The following DGKB variants were observed in gnomAD, a reference collection of about 807,000 sequenced individuals.
DGKB encodes diacylglycerol kinase beta, also known as 90 kDa diacylglycerol kinase.
In DGKB, 67 loss-of-function variants were observed where a neutral mutation model predicts 114.3. The observed-to-expected ratio is 0.59, with a 90% CI of 0.48 to 0.72. The LOEUF is 0.72. Among genes scored for constraint, DGKB ranks in the 30% least tolerant of loss-of-function variants. The pLI is 0.00. For missense variants in DGKB, 907 were observed against 975.2 expected (o/e 0.93, Z 0.93); for synonymous variants, 398 against 323.1 (o/e 1.23, Z -2.49).
chr7:14,686,232 G>A (rs1482163482), intron 9 of DGKB, among the ~76,000 whole-genome samples: 1 of 151,712 alleles, frequency 6.6e-6, no homozygotes, highest in African/African-American at 2.4e-5. Context: ...ACTCCTGTAG[G>A]TATTTAATCA....
At chr7:14,657,762 G>T (rs1056506183) in intron 13 of DGKB, among the ~76,000 whole-genome samples, 1 of 151,858 alleles carries the variant, frequency 6.6e-6, no homozygotes, top group African/African-American at 2.4e-5. Context: ...ATATTACAGA[G>T]AATTCAAAAT....
chr7:14,937,934 G>C (rs1360747324), intron 1 of DGKB, among the ~76,000 whole-genome samples: 1 of 151,926 alleles, frequency 6.6e-6, no homozygotes, highest in Non-Finnish European at 1.5e-5. Flanking sequence ...TGTCGTAAAT[G>C]CAGTATATAA....
intron 13 of DGKB, among the ~76,000 whole-genome samples, chr7:14,648,482 A>C (rs984415594): frequency 6.8e-6 from 1 of 147,490 alleles, no homozygotes; most frequent in Admixed American, 7.0e-5. Context: ...ATCCACACCA[A>C]AAACCCATCT....
intron 21 of DGKB, among the ~76,000 whole-genome samples, chr7:14,411,050 G>A (rs1042155044): frequency 8.5e-5 from 13 of 152,078 alleles, no homozygotes; most frequent in African/African-American, 3.1e-4. Flanking sequence ...GAGATGCTGC[G>A]CAGTGGCAGG....
At chr7:14,474,644 A>T (rs1781899689) in intron 21 of DGKB, among the ~76,000 whole-genome samples, 1 of 151,990 alleles carries the variant, frequency 6.6e-6, no homozygotes, top group African/African-American at 2.4e-5. Flanking sequence ...AATTATTAAT[A>T]TCCTTTTTTT....
intron 12 of DGKB, among the ~76,000 whole-genome samples, chr7:14,678,647 A>G (rs1327147592): frequency 6.6e-6 from 1 of 152,024 alleles, no homozygotes; most frequent in Admixed American, 6.6e-5. Context: ...TTATCACAGA[A>G]CTATTATAGA....
chr7:14,389,581 G>A (rs1049507134), intron 21 of DGKB, among the ~76,000 whole-genome samples: 25 of 152,270 alleles, frequency 1.6e-4, no homozygotes, highest in Admixed American at 1.5e-3. Flanking sequence ...AACCTGTGCC[G>A]TTGAAGATAT....
chr7:14,535,295 G>A (rs1792256064), intron 20 of DGKB, among the ~76,000 whole-genome samples: 1 of 151,516 alleles, frequency 6.6e-6, no homozygotes, highest in Non-Finnish European at 1.5e-5. Context: ...CTTGAGCCTA[G>A]GAGTTCAAGG....
chr7:14,795,767 T>C (rs958157729), intron 2 of DGKB, among the ~76,000 whole-genome samples: 4 of 152,150 alleles, frequency 2.6e-5, no homozygotes, highest in Admixed American at 1.3e-4. Context: ...TATGGACCTA[T>C]GGACTAGGCT....
chr7:14,576,286 T>C (rs1031306718), intron 19 of DGKB, among the ~76,000 whole-genome samples: 2 of 152,014 alleles, frequency 1.3e-5, no homozygotes, highest in Non-Finnish European at 1.5e-5. Context: ...TTACAATAAT[T>C]ATATTTACTA....
chr7:14,801,508 T>C (rs1187210703), intron 2 of DGKB, among the ~76,000 whole-genome samples: 1 of 152,096 alleles, frequency 6.6e-6, no homozygotes, highest in Non-Finnish European at 1.5e-5. Context: ...TAGATTGCCC[T>C]CCCCAATGTG....
chr7:14,746,162 A>C (rs1221146290), intron 4 of DGKB, among the ~76,000 whole-genome samples: 2 of 152,130 alleles, frequency 1.3e-5, no homozygotes, highest in African/African-American at 4.8e-5. Context: ...AATGTGGCAA[A>C]ACCCCGTCTC....
At chr7:14,938,616 CT>C (rs71004343) in intron 1 of DGKB, among the ~76,000 whole-genome samples, 49,731 of 147,288 alleles carry the variant, frequency 0.34, 8,493 homozygotes, top group African/African-American at 0.4. Flanking sequence ...TTCTTTCTTT[CT>C]TTTTTTTTTT....
chr7:14,422,498 T>C (rs1174619802), intron 21 of DGKB, among the ~76,000 whole-genome samples: 1 of 152,090 alleles, frequency 6.6e-6, no homozygotes, highest in Non-Finnish European at 1.5e-5. Flanking sequence ...ATGTAATTTT[T>C]CCACAATTAC....
chr7:14,534,705 T>A (rs772062418), intron 20 of DGKB, among the ~76,000 whole-genome samples: 11 of 151,416 alleles, frequency 7.3e-5, no homozygotes, highest in Non-Finnish European at 1.3e-4. Context: ...ATAGACAAAG[T>A]AAAAAAAAGA....
At chr7:14,287,995 C>T (rs923272231) in intron 23 of DGKB, among the ~76,000 whole-genome samples, 1 of 152,076 alleles carries the variant, frequency 6.6e-6, no homozygotes, top group African/African-American at 2.4e-5. Flanking sequence ...ATGACAGAAC[C>T]AGCCAAGGCT....
chr7:14,830,872 A>C (rs1184530675), intron 2 of DGKB, among the ~76,000 whole-genome samples: 2 of 48,256 alleles, frequency 4.1e-5, no homozygotes, highest in Non-Finnish European at 6.8e-5. Flanking sequence ...AAAATAACTT[A>C]ATGATAACTA....
At chr7:14,689,128 A>C (rs1436061431) in intron 9 of DGKB, among the ~76,000 whole-genome samples, 1 of 151,124 alleles carries the variant, frequency 6.6e-6, no homozygotes, top group Non-Finnish European at 1.5e-5. Context: ...AACAAAGAAC[A>C]TTAAATTACC....
chr7:14,565,959 C>T (rs1482580852), intron 20 of DGKB, among the ~76,000 whole-genome samples: 3 of 152,014 alleles, frequency 2.0e-5, no homozygotes, highest in African/African-American at 4.8e-5. Context: ...TGTTAACAGA[C>T]TATTGTCTAG....
Sources: allele counts gnomAD v4.1 joint callset (sites outside exome capture counted in the v4.1 genomes callset), GRCh38; gene constraint gnomAD v4.1.1; transcripts MANE v1.5; gene names NCBI Gene and HGNC (gene_info 2026-07-23, HGNC 2026-07-21).